The following RANBP1 variants were observed in gnomAD, a reference collection of about 807,000 sequenced individuals.
RANBP1 encodes ran-specific GTPase-activating protein.
A neutral mutation model predicts 31.4 loss-of-function variants in RANBP1; 16 were observed. That is an observed-to-expected ratio of 0.51 (90% CI 0.34 to 0.77). RANBP1 has a LOEUF of 0.77. RANBP1 is among the 30% of genes least tolerant of loss of function. The pLI, the probability that RANBP1 is intolerant of heterozygous loss-of-function variation, is 0.01. For synonymous variants in RANBP1, 129 were observed against 140.5 expected (o/e 0.92, Z 0.58); for missense variants, 265 against 362.0 (o/e 0.73, Z 2.17).
At chr22:20,124,447 A>AC (rs60792781) in intron 3 of RANBP1, 2,503 of 141,750 alleles carry the variant, frequency 0.018, 68 homozygotes, top group African/African-American at 0.057. Flanking sequence ...AGTAGACGAG[A>AC]CCCCCCCCCA....
intron 1 of RANBP1, chr22:20,117,814 G>A: frequency 9.8e-7 from 1 of 1,023,438 alleles, no homozygotes; most frequent in Non-Finnish European, 1.2e-6. Flanking sequence ...GAGTCGGGGC[G>A]CGTGGGGTTT....
intron 2 of RANBP1, among the ~76,000 whole-genome samples, 169 bp from the exon 3 acceptor site, chr22:20,122,095 C>T (rs750997721): frequency 3.3e-5 from 5 of 152,110 alleles, no homozygotes; most frequent in African/African-American, 4.8e-5. Context: ...TGTTGGGCTG[C>T]TGCGCTTTCT....
intron 1 of RANBP1, among the ~76,000 whole-genome samples, chr22:20,118,553 G>T (rs1408771442): frequency 6.6e-6 from 1 of 152,230 alleles, no homozygotes; most frequent in Non-Finnish European, 1.5e-5. Flanking sequence ...AGTCAAAACT[G>T]AAAGAGTTAC....
intron 1 of RANBP1, chr22:20,117,205 G>A (rs1023630615): frequency 3.7e-6 from 2 of 542,412 alleles, no homozygotes; most frequent in African/African-American, 2.0e-5. Flanking sequence ...CAGCGCGTGC[G>A]GCGGAGGCCG....
chr22:20,121,417 T>C (rs2871051), intron 2 of RANBP1, among the ~76,000 whole-genome samples: 2 of 151,900 alleles, frequency 1.3e-5, no homozygotes, highest in African/African-American at 2.4e-5. Flanking sequence ...ACCCGGCTAA[T>C]TTTGTATTTT....
Position 20,116,194 on chromosome 22 carries a change from G to A in RANBP1, c.10G>A (p.Ala4Thr). 1.2e-6 allele frequency: 2 copies of A among 1,613,060 alleles called. No homozygotes were observed. Among genetic ancestry groups the A allele is most frequent in the Non-Finnish European group, 1.7e-6 (2 of 1,180,004 alleles). MGS[A>T]LGRARRTLSG... ...TCGCCTCCTCCTGGCCATGGGGTCGGCCTTGGGCCGGGCCAGGCGCACACT... is the reference window on the plus strand; with the variant it reads ...TCGCCTCCTCCTGGCCATGGGGTCGACCTTGGGCCGGGCCAGGCGCACACT... The change falls in exon 1 of 6, where the codon GCC becomes ACC. Residue 4 changes from alanine to threonine, a missense_variant. Physicochemically the swap from Ala to Thr is moderately conservative, Grantham distance 58 (BLOSUM62 0). Around this residue, in one of 3 missense-constraint regions of RANBP1, gnomAD observed 126 missense variants for 123.6 expected, o/e 1.02. Coordinates refer to ENST00000430524, the MANE Select transcript of RANBP1 (RefSeq NM_001278639.2).
intron 3 of RANBP1, chr22:20,124,189 AG>A (rs1427581047): frequency 6.5e-6 from 1 of 152,690 alleles, no homozygotes; most frequent in East Asian, 1.9e-4. Context: ...TGCTGCTCCC[AG>A]AGCCTGGGTC....
At chr22:20,125,694 A>G (rs2050281325) in intron 4 of RANBP1, 1 of 1,341,728 alleles carries the variant, frequency 7.5e-7, no homozygotes. Context: ...TGTGGCTGGC[A>G]CTTTGGTTTG....
intron 2 of RANBP1, 75 bp downstream of exon 2, chr22:20,119,224 G>T (rs904930332): frequency 1.7e-5 from 25 of 1,457,582 alleles, no homozygotes; most frequent in Non-Finnish European, 2.3e-5. Context: ...CCAGGTTTTG[G>T]CCTGACTTTT....
intron 1 of RANBP1, among the ~76,000 whole-genome samples, chr22:20,118,515 T>C (rs1435801235): frequency 6.6e-6 from 1 of 152,256 alleles, no homozygotes; most frequent in Admixed American, 6.5e-5. Context: ...TTCGTTTTAC[T>C]AAGCAAGAGC....
At chr22:20,119,302 C>T (rs1450074510) in intron 2 of RANBP1, 153 bp downstream of exon 2, 9 of 712,862 alleles carry the variant, frequency 1.3e-5, no homozygotes, top group South Asian at 1.9e-5. Context: ...AAATTTAACC[C>T]GTTCCTTTCA....
intron 1 of RANBP1, chr22:20,117,218 C>G: frequency 1.8e-6 from 1 of 540,788 alleles, no homozygotes; most frequent in Non-Finnish European, 3.0e-6. Flanking sequence ...GGAGGCCGAG[C>G]GTCTCTATGA....
intron 2 of RANBP1, among the ~76,000 whole-genome samples, chr22:20,121,587 C>T (rs896440500): frequency 6.6e-6 from 1 of 152,096 alleles, no homozygotes; most frequent in African/African-American, 2.4e-5. Context: ...CACTCTCACC[C>T]AGGCTGGAGT....
chr22:20,116,949 C>T, intron 1 of RANBP1: 7 of 1,572,804 alleles, frequency 4.5e-6, no homozygotes, highest in Admixed American at 3.6e-5. Context: ...GCCATGGGGG[C>T]CGCCTGGCCA....
At chr22:20,120,319 C>T (rs2050145666) in intron 2 of RANBP1, among the ~76,000 whole-genome samples, 1 of 152,112 alleles carries the variant, frequency 6.6e-6, no homozygotes, top group South Asian at 2.1e-4. Flanking sequence ...TCTGCTGATG[C>T]ATTGCCGTAG....
chr22:20,126,801 C>A, intron 5 of RANBP1, 151 bp from the exon 6 acceptor site: 1 of 1,340,132 alleles, frequency 7.5e-7, no homozygotes, highest in Non-Finnish European at 1.0e-6. Context: ...AGAAGACAGA[C>A]TCCAGGAGGC....
rs1281360817 is a variant in RANBP1 at position 20,116,431 on chromosome 22, G to C, written c.246+1G>C. ...CAGCTCCAGTTTAAAGATCTCAGAGGTAAACAAGTCATCCCTGATGTAGCT... is the reference window on the plus strand; with the variant it reads ...CAGCTCCAGTTTAAAGATCTCAGAGCTAAACAAGTCATCCCTGATGTAGCT... On this transcript the variant is annotated splice_donor_variant, in intron 1 of 5. Transcript: ENST00000430524. LOFTEE classifies it high-confidence loss of function. 1 of 1,612,724 alleles carries C rather than the reference G, an allele frequency of 6.2e-7. No individual in the cohort carries two copies. Among genetic ancestry groups the C allele is most frequent in the South Asian group, 1.1e-5 (1 of 91,068 alleles).
At chr22:20,119,316 A>G (rs1344079210) in intron 2 of RANBP1, 167 bp downstream of exon 2, 4 of 653,874 alleles carry the variant, frequency 6.1e-6, no homozygotes, top group African/African-American at 1.8e-5. Context: ...CCTTTCATGA[A>G]TCTTCACCAG....
intron 3 of RANBP1, chr22:20,124,783 C>A (rs946489130): frequency 1.3e-4 from 21 of 161,110 alleles, no homozygotes; most frequent in Admixed American, 7.1e-4. Context: ...CTTCTGCTGC[C>A]CCCCACTTTC....
Sources: allele counts gnomAD v4.1 joint callset (sites outside exome capture counted in the v4.1 genomes callset), GRCh38; gene constraint gnomAD v4.1.1; regional missense constraint gnomAD v4.1.1; transcripts MANE v1.5; gene names NCBI Gene and HGNC (gene_info 2026-07-23, HGNC 2026-07-21).